The following ANKRD28 variants were observed in gnomAD, a reference collection of about 807,000 sequenced individuals.
ANKRD28 encodes ankyrin repeat domain 28, also known as serine/threonine-protein phosphatase 6 regulatory ankyrin repeat subunit A.
In ANKRD28, 44 loss-of-function variants were observed where a neutral mutation model predicts 126.5. That is an observed-to-expected ratio of 0.35 (90% CI 0.27 to 0.45). The LOEUF (loss-of-function observed/expected upper bound fraction) is 0.45. ANKRD28 is among the 20% of genes least tolerant of loss of function. The pLI is 1.00. For missense variants in ANKRD28, 1,110 were observed against 1,316.6 expected, an observed-to-expected ratio of 0.84 and a Z score of 2.43; for synonymous variants, 442 against 468.5, an observed-to-expected ratio of 0.94 and a Z score of 0.73.
intron 3 of ANKRD28, among the ~76,000 whole-genome samples, chr3:15,759,727 A>C (rs924843149): frequency 6.6e-6 from 1 of 152,224 alleles, no homozygotes; most frequent in East Asian, 1.9e-4. Flanking sequence ...TCTATCAATA[A>C]CAGTGAAATG....
At chr3:15,747,472 A>G (rs909429230) in intron 4 of ANKRD28, among the ~76,000 whole-genome samples, 2 of 152,118 alleles carry the variant, frequency 1.3e-5, no homozygotes, top group Admixed American at 1.3e-4. Context: ...ACTCAGGAGC[A>G]GGTTATTTAA....
rs1237541244 is a variant in ANKRD28 at position 15,737,628 on chromosome 3, CTAATTTTT to C, written c.352-403_352-396del. ...TACAGGTGCATGCCACCACCCCTGG[CTAATTTTT>C]TAGTTATTTTGTAGAGACAAGGTCT... On this transcript the variant is annotated intron_variant, in intron 4 of 27. Coordinates refer to ENST00000683139, the MANE Select transcript of ANKRD28 (RefSeq NM_001349278.2). 1.9e-4 allele frequency among the ~76,000 whole-genome samples: 10 copies of C among 53,280 alleles called. No individual in the cohort carries two copies. In the East Asian group the frequency reaches 9.9e-3, roughly 53 times the overall value. 35.0% of individuals were successfully genotyped at this position (53,280 alleles called of 152,430 possible).
rs531627642 is a variant in ANKRD28, at chr3:15,751,660, T to C, written c.351+90A>G. On this transcript the variant is annotated intron_variant, in intron 4 of 27. Transcript: ENST00000683139. ...AAGGTATCTCAGTAGCTTTTCCTTC[T>C]TTTGAAAACATAGAATTTGAATATG... is the stretch of plus-strand genomic sequence containing the variant. 4.4e-6 allele frequency: 4 copies of C among 901,846 alleles called. No individual in the cohort carries two copies. The South Asian group carries it at 4.9e-5, about 11-fold the overall frequency. The allele number at this position is 901,846 out of a possible 1,614,324, so 55.9% of individuals were successfully genotyped here.
chr3:15,855,643 A>G (rs1211297799), intron 1 of ANKRD28, among the ~76,000 whole-genome samples: 1 of 152,212 alleles, frequency 6.6e-6, no homozygotes, highest in Non-Finnish European at 1.5e-5. Context: ...ACAACATGGA[A>G]GAACCTTAAA....
chr3:15,776,132 C>T (rs1219879709), intron 2 of ANKRD28, among the ~76,000 whole-genome samples: 3 of 152,188 alleles, frequency 2.0e-5, no homozygotes, highest in Non-Finnish European at 2.9e-5. Context: ...AAACACTTTA[C>T]CATATCGTAC....
intron 4 of ANKRD28, among the ~76,000 whole-genome samples, chr3:15,741,861 CGAG>C (rs1238503639): frequency 6.6e-6 from 1 of 151,932 alleles, no homozygotes. Context: ...CTCAGCCTGC[CGAG>C]TGCCTGCGAT....
chr3:15,852,629 C>G (rs561782882), intron 1 of ANKRD28, among the ~76,000 whole-genome samples: 85 of 151,630 alleles, frequency 5.6e-4, no homozygotes, highest in South Asian at 2.7e-3. Flanking sequence ...GTCAGGAGAT[C>G]GAGACCATCC....
intron 1 of ANKRD28, among the ~76,000 whole-genome samples, chr3:15,813,501 G>A (rs944479581): frequency 4.6e-5 from 7 of 152,154 alleles, no homozygotes; most frequent in Non-Finnish European, 1.0e-4. Flanking sequence ...TGGTATTACT[G>A]TTTGGGATCA....
chr3:15,684,969 A>G, intron 21 of ANKRD28: 3 of 444,650 alleles, frequency 6.7e-6, no homozygotes, highest in Non-Finnish European at 1.2e-5. Flanking sequence ...ACTAAAAAAG[A>G]AAAGAAAAGA....
intron 1 of ANKRD28, among the ~76,000 whole-genome samples, chr3:15,824,472 AAACT>A (rs1465400413): frequency 6.6e-6 from 1 of 152,236 alleles, no homozygotes; most frequent in East Asian, 1.9e-4. Context: ...TAAAAAAAAC[AAACT>A]ATCAGAGCTA....
At chr3:15,693,143 T>C (rs555048325) in intron 17 of ANKRD28, among the ~76,000 whole-genome samples, 95 of 152,240 alleles carry the variant, frequency 6.2e-4, no homozygotes, top group Non-Finnish European at 1.2e-3. Flanking sequence ...GTTTTAGTTT[T>C]AACCTTTACA....
intron 3 of ANKRD28, among the ~76,000 whole-genome samples, chr3:15,755,470 G>A (rs1046671499): frequency 2.6e-5 from 4 of 152,148 alleles, no homozygotes; most frequent in African/African-American, 9.7e-5. Context: ...GCTAAATAGA[G>A]TTCTGTTCCA....
exon 1 of ANKRD28, chr3:15,859,639 T>G: frequency 6.0e-6 from 1 of 167,356 alleles, no homozygotes; most frequent in Non-Finnish European, 1.2e-5. Context: ...CGGTCCCGCC[T>G]CCTCCTCTGA....
At chr3:15,744,697 G>A (rs1438448908) in intron 4 of ANKRD28, among the ~76,000 whole-genome samples, 1 of 152,250 alleles carries the variant, frequency 6.6e-6, no homozygotes, top group South Asian at 2.1e-4. Flanking sequence ...AAATTGTGCT[G>A]CTATAAACAT....
intron 2 of ANKRD28, among the ~76,000 whole-genome samples, chr3:15,785,230 T>C (rs972354506): frequency 2.0e-5 from 3 of 152,114 alleles, no homozygotes; most frequent in African/African-American, 7.2e-5. Context: ...AGCTGTGACT[T>C]CGTTAAAATT....
intron 3 of ANKRD28, among the ~76,000 whole-genome samples, chr3:15,762,225 A>C (rs1359300424): frequency 3.8e-5 from 4 of 106,250 alleles, no homozygotes; most frequent in Non-Finnish European, 6.1e-5. Flanking sequence ...AAAACAAAAA[A>C]AAAAAAACTC....
intron 2 of ANKRD28, among the ~76,000 whole-genome samples, chr3:15,788,227 T>C (rs1480884218): frequency 1.3e-5 from 2 of 152,220 alleles, no homozygotes; most frequent in African/African-American, 2.4e-5. Context: ...CTTGGTATTA[T>C]AAAAATTAGG....
At chr3:15,758,019 C>T (rs777144287) in intron 3 of ANKRD28, among the ~76,000 whole-genome samples, 1 of 152,160 alleles carries the variant, frequency 6.6e-6, no homozygotes, top group Non-Finnish European at 1.5e-5. Flanking sequence ...TGGCCCTTTA[C>T]AGAAAACGTT....
At chr3:15,697,169 T>C (rs1392341702) in intron 14 of ANKRD28, 1 of 152,172 alleles carries the variant, frequency 6.6e-6, no homozygotes, top group Non-Finnish European at 1.5e-5. Context: ...ATCATTATTC[T>C]AAGTGAAGCA....
Sources: allele counts gnomAD v4.1 joint callset (sites outside exome capture counted in the v4.1 genomes callset), GRCh38; gene constraint gnomAD v4.1.1; transcripts MANE v1.5; gene names NCBI Gene and HGNC (gene_info 2026-07-23, HGNC 2026-07-21).